NTM: variants seen among roughly 807,000 people sequenced by gnomAD.
NTM encodes neurotrimin.
Under a neutral mutation model 42.1 loss-of-function variants are expected in NTM, and 13 were observed. The observed-to-expected ratio is 0.31, with a 90% CI of 0.20 to 0.49. The LOEUF is 0.49. Among genes scored for constraint, NTM ranks in the 20% least tolerant of loss-of-function variants. NTM has a pLI of 0.99. For missense variants in NTM, 373 were observed against 452.8 expected, an observed-to-expected ratio of 0.82 and a Z score of 1.60; for synonymous variants, 187 against 179.2, an observed-to-expected ratio of 1.04 and a Z score of -0.35.
intron 1 of NTM, among the ~76,000 whole-genome samples, chr11:131,803,263 C>T (rs1453324383): frequency 6.6e-6 from 1 of 152,002 alleles, no homozygotes; most frequent in Non-Finnish European, 1.5e-5. Context: ...CCAGAAAACT[C>T]CTCTCTTGAA....
At chr11:132,205,309 A>T (rs1462218403) in intron 3 of NTM, among the ~76,000 whole-genome samples, 2 of 152,308 alleles carry the variant, frequency 1.3e-5, no homozygotes, top group East Asian at 3.9e-4. Flanking sequence ...CCTGATTTGG[A>T]TTTAATAGGA....
intron 1 of NTM, among the ~76,000 whole-genome samples, chr11:131,530,091 A>G (rs967180508): frequency 6.6e-6 from 1 of 152,166 alleles, no homozygotes; most frequent in Non-Finnish European, 1.5e-5. Flanking sequence ...ATATCTTAAA[A>G]TCCTTCCACA....
intron 1 of NTM, among the ~76,000 whole-genome samples, chr11:131,884,953 G>A (rs1265289441): frequency 6.6e-6 from 1 of 152,178 alleles, no homozygotes; most frequent in Non-Finnish European, 1.5e-5. Context: ...GGCTCTATTA[G>A]CTGAGGCACA....
intron 2 of NTM, among the ~76,000 whole-genome samples, chr11:131,961,547 G>A (rs1236476342): frequency 6.6e-6 from 1 of 152,190 alleles, no homozygotes; most frequent in African/African-American, 2.4e-5. Context: ...CATGACACAG[G>A]TTGGTCTGAT....
intron 3 of NTM, among the ~76,000 whole-genome samples, chr11:132,184,987 C>T (rs373856897): frequency 1.1e-4 from 17 of 152,120 alleles, no homozygotes; most frequent in East Asian, 3.9e-4. Flanking sequence ...TGCCACAGCA[C>T]GCTGGATTAT....
chr11:131,856,564 A>T (rs1229406429), intron 1 of NTM, among the ~76,000 whole-genome samples: 1 of 152,212 alleles, frequency 6.6e-6, no homozygotes, highest in Admixed American at 6.5e-5. Context: ...GCTGTGCTGG[A>T]TGCCAAAAAT....
At chr11:132,062,054 G>A (rs1055472508) in intron 2 of NTM, among the ~76,000 whole-genome samples, 3 of 152,188 alleles carry the variant, frequency 2.0e-5, no homozygotes, top group Non-Finnish European at 2.9e-5. Flanking sequence ...ATCAAACTCC[G>A]CTGTGTGATT....
At chr11:131,937,247 A>G (rs1274400500) in intron 2 of NTM, among the ~76,000 whole-genome samples, 3 of 152,330 alleles carry the variant, frequency 2.0e-5, no homozygotes, top group East Asian at 1.9e-4. Context: ...CTTTTAATAA[A>G]TGCAATGAAA....
At chr11:131,497,404 G>T (rs1955462860) in intron 1 of NTM, among the ~76,000 whole-genome samples, 1 of 152,074 alleles carries the variant, frequency 6.6e-6, no homozygotes, top group Non-Finnish European at 1.5e-5. Flanking sequence ...GCCCAGGCTG[G>T]TCTTGAACTC....
chr11:131,943,816 C>T (rs748602155), intron 2 of NTM, among the ~76,000 whole-genome samples: 25 of 152,074 alleles, frequency 1.6e-4, no homozygotes, highest in Non-Finnish European at 2.6e-4. Flanking sequence ...TAATCAAAAG[C>T]ACAGCACTGG....
At chr11:132,316,122 AC>A (rs1241040984) in intron 7 of NTM, among the ~76,000 whole-genome samples, 1 of 69,426 alleles carries the variant, frequency 1.4e-5, no homozygotes, top group Non-Finnish European at 3.1e-5. Context: ...TCCCCCCGCC[AC>A]CCCCCACTTT....
intron 2 of NTM, among the ~76,000 whole-genome samples, chr11:131,929,069 G>C (rs1424791716): frequency 6.6e-6 from 1 of 152,244 alleles, no homozygotes; most frequent in Non-Finnish European, 1.5e-5. Context: ...TGAGACTCGA[G>C]AAGACAATGA....
rs2048059877 is a variant in NTM at position 131,873,586 on chromosome 11, CCGT to C, written c.83-37977_83-37975del. ...CCGTATATATATACATATATATATA[CCGT>C]ATATATATACATATATATATACCGT... On this transcript the variant is annotated intron_variant, in intron 1 of 8. Transcript: ENST00000683400. 1.7e-4 allele frequency among the ~76,000 whole-genome samples: 7 copies of C among 40,020 alleles called. No individual in the cohort carries two copies. In the East Asian group the frequency reaches 0.026, roughly 147 times the overall value. The allele number at this position is 40,020 out of a possible 152,430, so 26.3% of individuals were successfully genotyped here.
At chr11:132,036,178 G>T (rs2076491710) in intron 2 of NTM, among the ~76,000 whole-genome samples, 1 of 152,122 alleles carries the variant, frequency 6.6e-6, no homozygotes, top group Non-Finnish European at 1.5e-5. Context: ...GGTGTACTAG[G>T]GAGGAAGGAC....
chr11:131,532,630 T>C (rs2051463312), intron 1 of NTM, among the ~76,000 whole-genome samples: 1 of 152,246 alleles, frequency 6.6e-6, no homozygotes. Context: ...TTCATTTATT[T>C]GAGGAACTGC....
chr11:132,305,054 C>T (rs2095028731), intron 4 of NTM, among the ~76,000 whole-genome samples: 1 of 152,186 alleles, frequency 6.6e-6, no homozygotes, highest in Admixed American at 6.5e-5. Context: ...ATTAATGTGG[C>T]ACCCATGTCC....
intron 1 of NTM, among the ~76,000 whole-genome samples, chr11:131,545,707 C>A (rs2053842564): frequency 6.6e-6 from 1 of 152,128 alleles, no homozygotes; most frequent in Non-Finnish European, 1.5e-5. Context: ...AGGTGATGAG[C>A]AGGTCTATGG....
intron 1 of NTM, among the ~76,000 whole-genome samples, chr11:131,524,965 C>G (rs11821264): frequency 0.18 from 27,042 of 152,102 alleles, 2,453 homozygotes; most frequent in Middle Eastern, 0.23. Flanking sequence ...ACACATGCAC[C>G]TGCACACAGG....
chr11:132,327,256 G>A (rs938389802), intron 7 of NTM, among the ~76,000 whole-genome samples: 1 of 152,190 alleles, frequency 6.6e-6, no homozygotes. Context: ...CTGGTCCTTT[G>A]TCTTTTATCT....
Sources: gnomAD v4.1 joint callset for allele counts (sites outside exome capture counted in the v4.1 genomes callset) on GRCh38, gnomAD v4.1.1 for gene constraint, MANE v1.5 for transcripts, NCBI Gene and HGNC (gene_info 2026-07-23, HGNC 2026-07-21) for gene names.